The following ADAMTS3 variants were observed in gnomAD, a reference collection of about 807,000 sequenced individuals.
ADAMTS3 encodes ADAM metallopeptidase with thrombospondin type 1 motif 3.
A neutral mutation model predicts 129.0 loss-of-function variants in ADAMTS3; 73 were observed. The observed-to-expected ratio is 0.57, with a 90% confidence interval of 0.47 to 0.69. The LOEUF (loss-of-function observed/expected upper bound fraction) is 0.69. Ranked by LOEUF, ADAMTS3 falls within the 30% of genes least tolerant of loss-of-function variation. ADAMTS3 has a pLI of 0.00. For missense variants in ADAMTS3, 1,457 were observed against 1,514.5 expected, an observed-to-expected ratio of 0.96 and a Z score of 0.63; for synonymous variants, 477 against 510.8, an observed-to-expected ratio of 0.93 and a Z score of 0.89.
chr4:72,390,562 A>G (rs1721567057), intron 4 of ADAMTS3, among the ~76,000 whole-genome samples: 1 of 152,168 alleles, frequency 6.6e-6, no homozygotes, highest in African/African-American at 2.4e-5. Flanking sequence ...CTCATACTTT[A>G]TGAAAACATA....
intron 3 of ADAMTS3, among the ~76,000 whole-genome samples, chr4:72,450,057 A>C (rs1239377795): frequency 6.6e-6 from 1 of 151,644 alleles, no homozygotes; most frequent in African/African-American, 2.4e-5. Context: ...CATCTTTGCC[A>C]TGCTGTCCTA....
At chr4:72,380,651 C>T (rs1721263117) in intron 4 of ADAMTS3, among the ~76,000 whole-genome samples, 1 of 152,082 alleles carries the variant, frequency 6.6e-6, no homozygotes, top group Non-Finnish European at 1.5e-5. Context: ...ATAGCTTTGA[C>T]ATTCTGTCTT....
At chr4:72,538,072 C>T (rs997414667) in intron 3 of ADAMTS3, among the ~76,000 whole-genome samples, 2 of 152,004 alleles carry the variant, frequency 1.3e-5, no homozygotes, top group Non-Finnish European at 2.9e-5. Flanking sequence ...AAGGGAGGAC[C>T]ACGGAAATAC....
chr4:72,289,635 T>C (rs75117574), intron 20 of ADAMTS3, among the ~76,000 whole-genome samples: 6,642 of 152,240 alleles, frequency 0.044, 374 homozygotes, highest in East Asian at 0.31. Flanking sequence ...TTAACTGCCA[T>C]TGTAACAATG....
chr4:72,535,250 C>T (rs1322295568), intron 3 of ADAMTS3, among the ~76,000 whole-genome samples: 1 of 152,154 alleles, frequency 6.6e-6, no homozygotes, highest in Non-Finnish European at 1.5e-5. Flanking sequence ...CCCCAAGAGT[C>T]CAATCACTAT....
chr4:72,409,634 C>T (rs1318717002), intron 4 of ADAMTS3, among the ~76,000 whole-genome samples: 1 of 152,114 alleles, frequency 6.6e-6, no homozygotes. Context: ...AAGCTCTTTT[C>T]ATTGAACCTA....
intron 2 of ADAMTS3, among the ~76,000 whole-genome samples, chr4:72,550,578 T>C (rs1485992795): frequency 1.3e-5 from 2 of 152,176 alleles, no homozygotes; most frequent in African/African-American, 2.4e-5. Context: ...GACTGTAGTA[T>C]GAGTCAAGTG....
rs181884363 is a variant in ADAMTS3 at position 72,390,661 on chromosome 4, G to T, written c.661+24154C>A. Among the ~76,000 whole-genome samples the T allele has an allele frequency of 1.3e-3, 201 of 152,150 alleles. 1 individual carries two copies. The highest frequency in any genetic ancestry group is 1.9e-3 in the South Asian group (9 of 4,812). ...TTATTATACAGGAAGGAGCAAAAGG[G>T]TATGTTTCTCCTGTGAATTAAGAGA... On this transcript the variant is annotated intron_variant, in intron 4 of 21. Coordinates refer to ENST00000286657, the MANE Select transcript of ADAMTS3 (RefSeq NM_014243.3).
In ADAMTS3 at chr4:72,467,969, C is replaced by A. The variant is rs1718965532; in HGVS notation, c.505-52998G>T. On this transcript the variant is annotated intron_variant, in intron 3 of 21. Coordinates refer to ENST00000286657, the MANE Select transcript of ADAMTS3 (RefSeq NM_014243.3). ...TTAAGCTATATTATATCATATATGC[C>A]TGTATGTATCAGAGCAAAGAAGGTT... Among the ~76,000 whole-genome samples, 3 of 151,478 alleles carry A rather than the reference C, an allele frequency of 2.0e-5. No homozygotes were observed. In the South Asian group the frequency reaches 6.2e-4, roughly 31 times the overall value.
At chr4:72,389,537 A>C (rs922983990) in intron 4 of ADAMTS3, among the ~76,000 whole-genome samples, 1 of 151,260 alleles carries the variant, frequency 6.6e-6, no homozygotes, top group Non-Finnish European at 1.5e-5. Flanking sequence ...AACAAAAAAA[A>C]AAAATCATAC....
intron 3 of ADAMTS3, among the ~76,000 whole-genome samples, chr4:72,452,557 G>A (rs560387766): frequency 4.9e-4 from 74 of 151,776 alleles, no homozygotes; most frequent in African/African-American, 1.5e-3. Flanking sequence ...CAGCAAGGTC[G>A]ACCCTTCTTT....
At chr4:72,478,688 G>T (rs1167856735) in intron 3 of ADAMTS3, among the ~76,000 whole-genome samples, 1 of 151,270 alleles carries the variant, frequency 6.6e-6, no homozygotes, top group African/African-American at 2.4e-5. Flanking sequence ...GGAAGTTCTG[G>T]CCAGGGCAAT....
chr4:72,388,742 GATTCAC>G (rs1721508731), intron 4 of ADAMTS3, among the ~76,000 whole-genome samples: 1 of 152,154 alleles, frequency 6.6e-6, no homozygotes, highest in African/African-American at 2.4e-5. Context: ...TCCTTAGGAG[GATTCAC>G]AGGACTCAGC....
intron 4 of ADAMTS3, among the ~76,000 whole-genome samples, chr4:72,410,864 A>G (rs1231842916): frequency 2.6e-5 from 4 of 152,290 alleles, no homozygotes; most frequent in African/African-American, 4.8e-5. Context: ...CATGCCTACC[A>G]TGATGAAGTA....
At chr4:72,549,694 A>C (rs1721559017) in intron 2 of ADAMTS3, among the ~76,000 whole-genome samples, 1 of 151,840 alleles carries the variant, frequency 6.6e-6, no homozygotes, top group South Asian at 2.1e-4. Flanking sequence ...CTTATTCCTT[A>C]AGTGGGACAG....
intron 5 of ADAMTS3, among the ~76,000 whole-genome samples, chr4:72,324,742 A>T (rs1413572912): frequency 6.6e-6 from 1 of 152,184 alleles, no homozygotes; most frequent in Non-Finnish European, 1.5e-5. Flanking sequence ...GGCTACAGAA[A>T]ACCTGAAGTA....
intron 3 of ADAMTS3, among the ~76,000 whole-genome samples, chr4:72,455,867 A>G (rs1170378197): frequency 7.9e-6 from 1 of 126,572 alleles, no homozygotes; most frequent in South Asian, 2.3e-4. Flanking sequence ...TATAGTATAT[A>G]CACTGTATAT....
chr4:72,541,762 T>C (rs10027328), intron 3 of ADAMTS3, among the ~76,000 whole-genome samples: 86,318 of 147,062 alleles, frequency 0.59, 24,901 homozygotes, highest in East Asian at 0.69. Flanking sequence ...AGATGTGCCT[T>C]TGTTCCTCCT....
At chr4:72,465,711 T>C (rs1327366147) in intron 3 of ADAMTS3, among the ~76,000 whole-genome samples, 1 of 151,380 alleles carries the variant, frequency 6.6e-6, no homozygotes. Context: ...GTTGATATGG[T>C]TTCCCTGTGT....
Sources: allele counts gnomAD v4.1 joint callset (sites outside exome capture counted in the v4.1 genomes callset), GRCh38; gene constraint gnomAD v4.1.1; transcripts MANE v1.5; gene names NCBI Gene and HGNC (gene_info 2026-07-23, HGNC 2026-07-21).